Variants in DACH2 observed in about 807,000 individuals in gnomAD.
DACH2 encodes dachshund homolog 2.
Under a neutral mutation model 35.8 loss-of-function variants are expected in DACH2, and 17 were observed. That is an observed-to-expected ratio of 0.48 (90% confidence interval 0.33 to 0.71). The LOEUF (loss-of-function observed/expected upper bound fraction) is 0.71. Ranked by LOEUF, DACH2 falls within the 30% of genes least tolerant of loss-of-function variation. DACH2 has a pLI of 0.02. For missense variants in DACH2, 469 were observed against 472.7 expected (o/e 0.99, Z 0.07); for synonymous variants, 195 against 177.3 (o/e 1.10, Z -0.79).
At chrX:86,269,648 A>T (rs141163707) in intron 1 of DACH2, among the ~76,000 whole-genome samples, 1 of 111,601 alleles carries the variant, frequency 9.0e-6, no homozygotes, top group East Asian at 2.8e-4. Flanking sequence ...AAATTTTCTG[A>T]AGAAGAGATA....
intron 1 of DACH2, among the ~76,000 whole-genome samples, chrX:86,239,971 T>G (rs1176471039): frequency 8.9e-6 from 1 of 111,953 alleles, no homozygotes; most frequent in East Asian, 2.8e-4. Flanking sequence ...TCAGTGAACA[T>G]GTGTAGGTGA....
intron 1 of DACH2, among the ~76,000 whole-genome samples, chrX:86,349,761 GT>G (rs1236979638): frequency 2.7e-5 from 3 of 112,125 alleles, no homozygotes; most frequent in Non-Finnish European, 3.8e-5. Flanking sequence ...GCATTTTACA[GT>G]AATCTTTTTT....
intron 2 of DACH2, among the ~76,000 whole-genome samples, chrX:86,463,811 A>G (rs1423224429): frequency 9.0e-6 from 1 of 111,699 alleles, no homozygotes; most frequent in African/African-American, 3.3e-5. Context: ...TCTACAAGGA[A>G]CTTAAACAAA....
At chrX:86,805,052 A>T (rs926573184) in intron 7 of DACH2, among the ~76,000 whole-genome samples, 4 of 111,688 alleles carry the variant, frequency 3.6e-5, no homozygotes, top group African/African-American at 1.3e-4. Flanking sequence ...CCCAATGGGG[A>T]CTCTGTGTGG....
intron 1 of DACH2, among the ~76,000 whole-genome samples, chrX:86,344,017 A>G (rs1164347532): frequency 9.1e-6 from 1 of 110,165 alleles, no homozygotes; most frequent in Non-Finnish European, 1.9e-5. Context: ...AGGGTAACTA[A>G]AGTCAATAAT....
At chrX:86,708,501 C>A (rs2041244381) in intron 5 of DACH2, among the ~76,000 whole-genome samples, 1 of 110,348 alleles carries the variant, frequency 9.1e-6, no homozygotes, top group Admixed American at 9.7e-5. Context: ...TGAACAGTTG[C>A]AATTTGAAAT....
At chrX:86,153,294 G>A (rs2030430338) in intron 1 of DACH2, among the ~76,000 whole-genome samples, 1 of 111,293 alleles carries the variant, frequency 9.0e-6, no homozygotes, top group Non-Finnish European at 1.9e-5. Flanking sequence ...TTGTTATTTT[G>A]ATAGTATATA....
Position 86,230,682 on chromosome X carries a change from G to A in DACH2, c.488+81574G>A, listed in dbSNP as rs758706890. 1.3e-4 allele frequency among the ~76,000 whole-genome samples: 14 copies of A among 111,004 alleles called. No individual in the cohort carries two copies. The South Asian group carries it at 5.0e-3, about 40-fold the overall frequency. On this transcript the variant is annotated intron_variant, in intron 1 of 11. Coordinates refer to ENST00000373125, the MANE Select transcript of DACH2 (RefSeq NM_053281.3). ...CTCACTGCTTCTTATTGGTCTGTTCGGGGTATGTAATTCTTCCTGATTTGA... is the reference window on the plus strand; with the variant it reads ...CTCACTGCTTCTTATTGGTCTGTTCAGGGTATGTAATTCTTCCTGATTTGA...
chrX:86,382,190 C>T (rs2036056063), intron 2 of DACH2, among the ~76,000 whole-genome samples: 1 of 108,583 alleles, frequency 9.2e-6, no homozygotes, highest in African/African-American at 3.3e-5. Flanking sequence ...CTCAGGAGGT[C>T]CTGAGACACG....
intron 2 of DACH2, among the ~76,000 whole-genome samples, chrX:86,495,414 C>G (rs190698241): frequency 2.3e-3 from 253 of 108,119 alleles, no homozygotes; most frequent in African/African-American, 7.7e-3. Context: ...AATTACACAT[C>G]ACAATTTAGA....
intron 5 of DACH2, among the ~76,000 whole-genome samples, chrX:86,704,122 C>G (rs1403332884): frequency 1.8e-5 from 2 of 111,247 alleles, no homozygotes; most frequent in Non-Finnish European, 3.8e-5. Flanking sequence ...GACATATAGA[C>G]CAATGAAACA....
At position 86,566,696 on chromosome X, in the gene DACH2, C is replaced by G. The variant is rs748039821; in HGVS notation, c.640+52305C>G. Among the ~76,000 whole-genome samples, 6 of 107,588 alleles carry G rather than the reference C, an allele frequency of 5.6e-5. No homozygotes were observed. In the South Asian group the frequency reaches 1.2e-3, roughly 22 times the overall value. The allele number at this position is 107,588 out of a possible 115,157, so 93.4% of individuals were successfully genotyped here. ...TAATGACGGCTATTTTAAAAGCAAA[C>G]TGTTCTGTACATGCAAGTGTACTTC... On this transcript the variant is annotated intron_variant, in intron 3 of 11. Transcript: ENST00000373125.
intron 2 of DACH2, among the ~76,000 whole-genome samples, chrX:86,472,175 A>G (rs936749717): frequency 8.9e-6 from 1 of 112,039 alleles, no homozygotes; most frequent in Non-Finnish European, 1.9e-5. Context: ...TAAGATGGGA[A>G]TAACAGCTCT....
intron 3 of DACH2, among the ~76,000 whole-genome samples, chrX:86,587,457 C>T (rs1422340555): frequency 9.0e-6 from 1 of 111,040 alleles, no homozygotes. Flanking sequence ...ATGTTGAACA[C>T]GGGTGGTTAG....
chrX:86,555,814 A>G (rs2039110312), intron 3 of DACH2, among the ~76,000 whole-genome samples: 1 of 111,655 alleles, frequency 9.0e-6, no homozygotes, highest in Non-Finnish European at 1.9e-5. Flanking sequence ...GATGGTGGGT[A>G]ACGTGTCCAT....
chrX:86,385,074 G>A (rs2036104339), intron 2 of DACH2, among the ~76,000 whole-genome samples: 1 of 111,085 alleles, frequency 9.0e-6, no homozygotes, highest in Non-Finnish European at 1.9e-5. Flanking sequence ...GCTAGTCCTA[G>A]CCAAACAGTA....
chrX:86,513,478 G>C (rs1414753995), intron 2 of DACH2, among the ~76,000 whole-genome samples: 2 of 111,773 alleles, frequency 1.8e-5, no homozygotes, highest in Non-Finnish European at 3.8e-5. Flanking sequence ...CTCTATTACG[G>C]TACAAGATGG....
At chrX:86,239,598 G>C (rs138464234) in intron 1 of DACH2, among the ~76,000 whole-genome samples, 3,443 of 111,673 alleles carry the variant, frequency 0.031, 129 homozygotes, top group African/African-American at 0.1. Flanking sequence ...TACTCTTTCT[G>C]CTGTTGATGG....
intron 2 of DACH2, among the ~76,000 whole-genome samples, chrX:86,471,069 C>T (rs1398490470): frequency 9.0e-6 from 1 of 111,436 alleles, no homozygotes; most frequent in Non-Finnish European, 1.9e-5. Context: ...AACAATTAAA[C>T]AGTTAACAAT....
Sources: allele counts gnomAD v4.1 joint callset (sites outside exome capture counted in the v4.1 genomes callset), GRCh38; gene constraint gnomAD v4.1.1; transcripts MANE v1.5; gene names NCBI Gene and HGNC (gene_info 2026-07-23, HGNC 2026-07-21).